The following MYO10 variants were observed in gnomAD, a reference collection of about 807,000 sequenced individuals.
MYO10 encodes myosin X.
MYO10 carries 133 observed loss-of-function variants against 257.3 expected under a neutral mutation model. The ratio of observed to expected loss-of-function variants is 0.52; its 90% CI spans 0.45 to 0.60. The LOEUF is 0.60. Among genes scored for constraint, MYO10 ranks in the 20% least tolerant of loss-of-function variants. The probability of loss-of-function intolerance (pLI) is 0.00; values close to 1 mark genes in which losing one functional copy is unlikely to be tolerated. For synonymous variants in MYO10, 1,104 were observed against 1,028.6 expected, an observed-to-expected ratio of 1.07 and a Z score of -1.40; for missense variants, 2,399 against 2,635.7, an observed-to-expected ratio of 0.91 and a Z score of 1.97.
rs1746437479 is a variant in MYO10, at chr5:16,936,151, C to T, written c.-343G>A. 4 of 344,516 alleles carry T rather than the reference C, an allele frequency of 1.2e-5. No individual in the cohort carries two copies. In the East Asian group the frequency reaches 2.6e-4, roughly 23 times the overall value. The allele number at this position is 344,516 out of a possible 1,614,324, so 21.3% of individuals were successfully genotyped here. A position where few individuals can be genotyped will look rare whatever the true frequency, so the allele number is the denominator to read the frequency against. On this transcript the variant is annotated 5_prime_UTR_variant, in exon 1 of 41. Coordinates refer to ENST00000513610, the MANE Select transcript of MYO10 (RefSeq NM_012334.3). ...TGCTGGCGAGCGCGGCCCCCTCCCT[C>T]TGCGCTCCGGCCGGGGGCCCTCGGG...
At chr5:16,900,410 C>G (rs1745344572) in intron 1 of MYO10, among the ~76,000 whole-genome samples, 1 of 152,126 alleles carries the variant, frequency 6.6e-6, no homozygotes, top group African/African-American at 2.4e-5. Context: ...GCAGGGGCTA[C>G]AGGTTAGACA....
At chr5:16,808,280 C>G (rs1007464817) in intron 3 of MYO10, among the ~76,000 whole-genome samples, 4 of 152,040 alleles carry the variant, frequency 2.6e-5, no homozygotes, top group African/African-American at 9.7e-5. Flanking sequence ...CTGAGCAACA[C>G]GACAAGCCTC....
intron 10 of MYO10, among the ~76,000 whole-genome samples, chr5:16,766,775 T>A (rs1740884163): frequency 6.8e-6 from 1 of 147,424 alleles, no homozygotes; most frequent in South Asian, 2.2e-4. Context: ...ACTTTCTTTT[T>A]TTTTTTTTTT....
chr5:16,897,020 A>C (rs1745237559), intron 1 of MYO10, among the ~76,000 whole-genome samples: 1 of 152,160 alleles, frequency 6.6e-6, no homozygotes, highest in Non-Finnish European at 1.5e-5. Context: ...GCAGGCAGGC[A>C]GGAAGGAAGG....
intron 3 of MYO10, among the ~76,000 whole-genome samples, chr5:16,797,121 C>G (rs1010111061): frequency 1.3e-5 from 2 of 152,152 alleles, no homozygotes; most frequent in Non-Finnish European, 2.9e-5. Flanking sequence ...TTCAGTATAA[C>G]TTTTCAAATG....
At chr5:16,799,940 A>G (rs1028089286) in intron 3 of MYO10, among the ~76,000 whole-genome samples, 3 of 152,142 alleles carry the variant, frequency 2.0e-5, no homozygotes, top group African/African-American at 7.2e-5. Flanking sequence ...GCCACCCCAC[A>G]CTACTGCCAC....
intron 1 of MYO10, among the ~76,000 whole-genome samples, chr5:16,903,613 C>A (rs1745444978): frequency 1.3e-5 from 2 of 152,088 alleles, no homozygotes; most frequent in South Asian, 4.2e-4. Flanking sequence ...AGCATCAGTC[C>A]ACAAAGCAGC....
At position 16,758,124 on chromosome 5, in the gene MYO10, C is replaced by T. The variant is rs1201025858; in HGVS notation, c.1842G>A (p.Gln614=). ...GCCAGCAGTGAAAACGAACCTTGAA[C>T]TGTGAGCTGACTGTAGGCCGCCGAT... ...SKHRRPTVSS[Q]FKDSLHSLMA... is the part of the protein sequence containing the mutation. Residue 614 remains glutamine, a synonymous_variant, in exon 18 of 41, where the codon CAG becomes CAA. Transcript: ENST00000513610. 1.9e-6 allele frequency: 3 copies of T among 1,605,764 alleles called. No individual in the cohort carries two copies. The highest frequency in any genetic ancestry group is 2.2e-5 in the East Asian group (1 of 44,848).
rs536649750 is a variant in MYO10, at chr5:16,671,463, C to A, written c.5389G>T (p.Val1797Leu). The change falls in exon 38 of 41, where the codon GTG becomes TTG. Residue 1797 changes from valine (V) to leucine (L), a missense_variant. By Grantham distance (32) the Val-to-Leu change is conservative. This residue lies in a region of MYO10 where 1,820 missense variants were observed against 1,939.4 expected (regional missense o/e 0.94). Transcript: ENST00000513610. ...KLYCFLDTDNVPKDSVEFAFM... is the reference protein window; with the variant it reads ...KLYCFLDTDNLPKDSVEFAFM... ...GCAAACTCCACACTGTCTTTTGGCACGTTGTCTGTGTCCAGGAAGCAGTAA... is the reference window on the plus strand; with the variant it reads ...GCAAACTCCACACTGTCTTTTGGCAAGTTGTCTGTGTCCAGGAAGCAGTAA... 1 of 1,614,022 alleles carries A rather than the reference C, an allele frequency of 6.2e-7. No homozygotes were observed. The highest frequency in any genetic ancestry group is 2.2e-5 in the East Asian group (1 of 44,884).
At chr5:16,677,189 T>G (rs1464492734) in intron 33 of MYO10, among the ~76,000 whole-genome samples, 1 of 152,184 alleles carries the variant, frequency 6.6e-6, no homozygotes, top group Non-Finnish European at 1.5e-5. Context: ...AATGAATCAT[T>G]CTATCGTGGT....
chr5:16,780,477 G>A (rs750606102), intron 8 of MYO10, 47 bp downstream of exon 8: 2 of 1,451,346 alleles, frequency 1.4e-6, no homozygotes, highest in South Asian at 2.4e-5. Flanking sequence ...CTATTTAAAT[G>A]GAAAATGAGT....
At chr5:16,858,575 G>A (rs1315612854) in intron 2 of MYO10, among the ~76,000 whole-genome samples, 1 of 152,084 alleles carries the variant, frequency 6.6e-6, no homozygotes, top group African/African-American at 2.4e-5. Context: ...CATTTAGTCT[G>A]ATTTTTTAGA....
chr5:16,667,469 A>C (rs1736226872), intron 40 of MYO10, among the ~76,000 whole-genome samples: 1 of 152,044 alleles, frequency 6.6e-6, no homozygotes, highest in African/African-American at 2.4e-5. Context: ...ACTGTCTGTA[A>C]ATTCACTGTT....
chr5:16,748,490 G>GCCC (rs376012902), intron 19 of MYO10, among the ~76,000 whole-genome samples: 1 of 147,714 alleles, frequency 6.8e-6, no homozygotes, highest in African/African-American at 2.5e-5. Flanking sequence ...AGTGATCCGC[G>GCCC]CCCCCCCGCC....
At chr5:16,915,424 G>T (rs1297200173) in intron 1 of MYO10, among the ~76,000 whole-genome samples, 1 of 152,164 alleles carries the variant, frequency 6.6e-6, no homozygotes, top group African/African-American at 2.4e-5. Context: ...AGGGTTTATA[G>T]ATAAATCTGA....
At position 16,912,802 on chromosome 5, in the gene MYO10, GCACACACA is replaced by G. The variant is rs70943817; in HGVS notation, c.21+22978_21+22985del. Among the ~76,000 whole-genome samples the G allele has an allele frequency of 1.4e-3, 161 of 111,646 alleles. 1 individual carries two copies. The highest frequency in any genetic ancestry group is 5.3e-3 in the East Asian group (19 of 3,592). 73.2% of individuals were successfully genotyped at this position (111,646 alleles called of 152,430 possible). A position where few individuals can be genotyped will look rare whatever the true frequency, so the allele number is the denominator to read the frequency against. ...CCAGACTTCCTTCACCTACCACCCT[GCACACACA>G]CACACACACACACACACACACACAC... On this transcript the variant is annotated intron_variant, in intron 1 of 40. Transcript: ENST00000513610.
Position 16,696,855 on chromosome 5 carries a change from C to CA in MYO10, c.3557-2242dup, listed in dbSNP as rs11284007. ...TGGGTGACAGAGCGAGACTCTGTCT[C>CA]AAAAAAAAAAAAAAAAAAATCAATG... On this transcript the variant is annotated intron_variant, in intron 26 of 40. Coordinates refer to ENST00000513610, the MANE Select transcript of MYO10 (RefSeq NM_012334.3). Among the ~76,000 whole-genome samples, 2,078 of 98,856 alleles carry CA rather than the reference C, an allele frequency of 0.021. 90 individuals carry two copies. In the East Asian group the frequency reaches 0.23, roughly 11 times the overall value. 64.9% of individuals were successfully genotyped at this position (98,856 alleles called of 152,430 possible).
At chr5:16,737,895 T>C (rs1004431181) in intron 19 of MYO10, among the ~76,000 whole-genome samples, 5 of 152,014 alleles carry the variant, frequency 3.3e-5, no homozygotes, top group African/African-American at 9.7e-5. Context: ...TCCTGATACA[T>C]AGGAAAAGGG....
At chr5:16,746,290 T>C (rs536249672) in intron 19 of MYO10, among the ~76,000 whole-genome samples, 1 of 152,336 alleles carries the variant, frequency 6.6e-6, no homozygotes, top group South Asian at 2.1e-4. Flanking sequence ...CCACCTTCTT[T>C]ACGGCAACCT....
Sources: allele counts gnomAD v4.1 joint callset (sites outside exome capture counted in the v4.1 genomes callset), GRCh38; gene constraint gnomAD v4.1.1; regional missense constraint gnomAD v4.1.1; transcripts MANE v1.5; gene names NCBI Gene and HGNC (gene_info 2026-07-23, HGNC 2026-07-21).